ADCY5: variants seen among roughly 807,000 people sequenced by gnomAD.
The protein encoded by ADCY5 is adenylate cyclase 5.
Under a neutral mutation model 119.7 loss-of-function variants are expected in ADCY5, and 30 were observed. That is an observed-to-expected ratio of 0.25 (90% CI 0.19 to 0.34). The LOEUF (loss-of-function observed/expected upper bound fraction) is 0.34. Ranked by LOEUF, ADCY5 falls within the 10% of genes least tolerant of loss-of-function variation. The probability of loss-of-function intolerance (pLI) is 1.00; values close to 1 mark genes in which losing one functional copy is unlikely to be tolerated. For missense variants in ADCY5, 1,324 were observed against 1,775.2 expected, an observed-to-expected ratio of 0.75 and a Z score of 4.57; for synonymous variants, 753 against 762.2, an observed-to-expected ratio of 0.99 and a Z score of 0.20.
At chr3:123,395,237 A>G (rs1332531155) in intron 1 of ADCY5, among the ~76,000 whole-genome samples, 1 of 152,186 alleles carries the variant, frequency 6.6e-6, no homozygotes, top group African/African-American at 2.4e-5. Context: ...AAGGCCTCCC[A>G]AATTGGTCTC....
At chr3:123,391,656 C>A (rs1261737611) in intron 1 of ADCY5, among the ~76,000 whole-genome samples, 1 of 152,206 alleles carries the variant, frequency 6.6e-6, no homozygotes, top group Non-Finnish European at 1.5e-5. Context: ...CTCATCCTCA[C>A]CCCAAGCAAT....
chr3:123,391,363 G>C (rs1576657391), intron 1 of ADCY5, among the ~76,000 whole-genome samples: 1 of 152,188 alleles, frequency 6.6e-6, no homozygotes, highest in Non-Finnish European at 1.5e-5. Flanking sequence ...ATGTCCTTGA[G>C]GGCTGTGCAG....
chr3:123,411,116 C>G (rs1001048836), intron 1 of ADCY5, among the ~76,000 whole-genome samples: 2 of 152,164 alleles, frequency 1.3e-5, no homozygotes, highest in African/African-American at 4.8e-5. Flanking sequence ...CCATGAGCCT[C>G]CTGTTTCAGT....
intron 2 of ADCY5, among the ~76,000 whole-genome samples, chr3:123,349,585 T>C (rs550120920): frequency 1.3e-5 from 2 of 152,296 alleles, no homozygotes; most frequent in South Asian, 4.1e-4. Context: ...CCACATCACA[T>C]ATGGGTTCTT....
chr3:123,303,893 G>GAAGGGAAGAGAAGAGAAGAGAAGAA (rs1940029251), intron 13 of ADCY5, among the ~76,000 whole-genome samples, 174 bp downstream of exon 13: 1 of 117,186 alleles, frequency 8.5e-6, no homozygotes, highest in Non-Finnish European at 1.7e-5. Context: ...GAAGAGAAGA[G>GAAGGGAAGAGAAGAGAAGAGAAGAA]AAGAAAGAAC....
chr3:123,369,431 A>G (rs1576631596), intron 1 of ADCY5, among the ~76,000 whole-genome samples: 1 of 152,226 alleles, frequency 6.6e-6, no homozygotes, highest in African/African-American at 2.4e-5. Flanking sequence ...TAAATGAAAG[A>G]TGAGTGTGGT....
chr3:123,364,140 T>C (rs1317779654), intron 1 of ADCY5, among the ~76,000 whole-genome samples: 1 of 152,216 alleles, frequency 6.6e-6, no homozygotes, highest in Non-Finnish European at 1.5e-5. Context: ...GGATGATAAG[T>C]GCTTTTTTAC....
chr3:123,413,457 A>C (rs1945108365), intron 1 of ADCY5, among the ~76,000 whole-genome samples: 1 of 152,148 alleles, frequency 6.6e-6, no homozygotes, highest in Admixed American at 6.5e-5. Context: ...TCCACAGTAG[A>C]ATCACAGAAA....
At chr3:123,326,774 G>A (rs1389652518) in intron 7 of ADCY5, among the ~76,000 whole-genome samples, 1 of 152,184 alleles carries the variant, frequency 6.6e-6, no homozygotes, top group African/African-American at 2.4e-5. Context: ...GTACTGCATG[G>A]TAGGATAAGG....
At chr3:123,331,097 C>G in intron 4 of ADCY5, 81 bp from the exon 5 acceptor site, 1 of 1,458,108 alleles carries the variant, frequency 6.9e-7, no homozygotes, top group South Asian at 1.3e-5. Context: ...CAAAAAGATT[C>G]ACCCCGTGCC....
At chr3:123,339,918 A>G (rs1214790497) in intron 3 of ADCY5, among the ~76,000 whole-genome samples, 1 of 152,252 alleles carries the variant, frequency 6.6e-6, no homozygotes, top group African/African-American at 2.4e-5. Context: ...GGGGGAGTCT[A>G]TGAGTGCTTT....
At position 123,412,543 on chromosome 3, in the gene ADCY5, T is replaced by A. The variant is rs377738239; in HGVS notation, c.1134+34869A>T. ...AGTTACAGCACTGACAGCCTCTGTG[T>A]TGCGGTGGCAGATAGAGCTCGGAAA... On this transcript the variant is annotated intron_variant, in intron 1 of 20. Transcript: ENST00000462833. Among the ~76,000 whole-genome samples, 15 of 152,258 alleles carry A rather than the reference T, an allele frequency of 9.9e-5. No individual in the cohort carries two copies. The East Asian group carries it at 2.9e-3, about 30-fold the overall frequency.
At chr3:123,303,804 GAA>G (rs1412218040) in intron 13 of ADCY5, among the ~76,000 whole-genome samples, 3 of 150,588 alleles carry the variant, frequency 2.0e-5, no homozygotes, top group African/African-American at 7.3e-5. Context: ...CAGCCTGGGT[GAA>G]AGAGTAAGAC....
At chr3:123,371,127 A>T (rs1048199613) in intron 1 of ADCY5, among the ~76,000 whole-genome samples, 1 of 152,178 alleles carries the variant, frequency 6.6e-6, no homozygotes, top group Non-Finnish European at 1.5e-5. Context: ...AGAAGGAGTG[A>T]GCTCTGCAGT....
chr3:123,401,648 G>A (rs542877227), intron 1 of ADCY5, among the ~76,000 whole-genome samples: 26 of 152,244 alleles, frequency 1.7e-4, no homozygotes, highest in African/African-American at 6.0e-4. Context: ...GGGGGGTAGG[G>A]AAGAGAAGCT....
chr3:123,371,024 G>A (rs564412754), intron 1 of ADCY5, among the ~76,000 whole-genome samples: 2 of 152,226 alleles, frequency 1.3e-5, no homozygotes, highest in Non-Finnish European at 2.9e-5. Flanking sequence ...AGAAACCAGA[G>A]CAGAGACAAA....
intron 1 of ADCY5, among the ~76,000 whole-genome samples, chr3:123,370,541 C>T (rs1559843207): frequency 6.6e-6 from 1 of 152,208 alleles, no homozygotes; most frequent in Non-Finnish European, 1.5e-5. Flanking sequence ...CATAGATAGG[C>T]TCCAAACCCA....
chr3:123,327,917 C>T (rs1941573174), intron 6 of ADCY5, among the ~76,000 whole-genome samples, 158 bp from the exon 7 acceptor site: 1 of 152,162 alleles, frequency 6.6e-6, no homozygotes, highest in African/African-American at 2.4e-5. Flanking sequence ...TGCATGGTAC[C>T]CTCCATTACT....
intron 17 of ADCY5, among the ~76,000 whole-genome samples, chr3:123,292,860 C>T (rs901768549): frequency 2.6e-5 from 4 of 152,030 alleles, no homozygotes; most frequent in African/African-American, 4.8e-5. Flanking sequence ...TGGGGGCCCA[C>T]GGATGCCAGA....
Sources: allele counts gnomAD v4.1 joint callset (sites outside exome capture counted in the v4.1 genomes callset), GRCh38; gene constraint gnomAD v4.1.1; transcripts MANE v1.5; gene names NCBI Gene and HGNC (gene_info 2026-07-23, HGNC 2026-07-21).